Variants in MYT1L observed in about 807,000 individuals in gnomAD.
The protein encoded by MYT1L is myelin transcription factor 1-like protein.
MYT1L carries 12 observed loss-of-function variants against 126.7 expected under a neutral mutation model. The observed-to-expected ratio is 0.09, with a 90% CI of 0.06 to 0.15. The LOEUF is 0.15. Among genes scored for constraint, MYT1L ranks in the 10% least tolerant of loss-of-function variants. The probability of loss-of-function intolerance (pLI) is 1.00; values close to 1 mark genes in which losing one functional copy is unlikely to be tolerated. For synonymous variants in MYT1L, 541 were observed against 604.2 expected (o/e 0.90, Z 1.53); for missense variants, 979 against 1,585.2 (o/e 0.62, Z 6.49).
chr2:2,205,255 C>T (rs185604522), intron 2 of MYT1L, among the ~76,000 whole-genome samples: 47 of 151,524 alleles, frequency 3.1e-4, no homozygotes, highest in South Asian at 1.3e-3. Context: ...TACCCTAAAA[C>T]GTAAAGTATA....
intron 5 of MYT1L, among the ~76,000 whole-genome samples, chr2:1,995,985 G>C (rs1272547356): frequency 2.6e-5 from 4 of 152,218 alleles, no homozygotes; most frequent in African/African-American, 7.2e-5. Context: ...ATATGGAAGA[G>C]GAGAGGGGGA....
chr2:1,925,900 T>G (rs971150690), intron 9 of MYT1L, among the ~76,000 whole-genome samples: 4 of 152,148 alleles, frequency 2.6e-5, no homozygotes, highest in African/African-American at 4.8e-5. Flanking sequence ...TTGTCAGATC[T>G]CCTACAAGAA....
At chr2:2,307,831 C>A (rs925502141) in intron 1 of MYT1L, among the ~76,000 whole-genome samples, 6 of 139,510 alleles carry the variant, frequency 4.3e-5, no homozygotes, top group African/African-American at 1.6e-4. Context: ...TATACTCCAC[C>A]TATACTTCAG....
intron 19 of MYT1L, among the ~76,000 whole-genome samples, chr2:1,850,383 G>A (rs73913446): frequency 0.12 from 18,019 of 151,928 alleles, 2,109 homozygotes; most frequent in African/African-American, 0.3. Context: ...TTACAACTTC[G>A]TTTATTTGAT....
At chr2:2,259,806 C>T (rs1387321955) in intron 2 of MYT1L, among the ~76,000 whole-genome samples, 1 of 152,160 alleles carries the variant, frequency 6.6e-6, no homozygotes, top group Non-Finnish European at 1.5e-5. Context: ...ATGTGTGTCG[C>T]TGGCCAGGTG....
At chr2:2,178,641 G>C (rs1294660157) in intron 2 of MYT1L, among the ~76,000 whole-genome samples, 1 of 152,168 alleles carries the variant, frequency 6.6e-6, no homozygotes, top group Non-Finnish European at 1.5e-5. Context: ...CTCATGGATA[G>C]TGAGGACTTA....
chr2:2,183,452 G>C (rs2091760267), intron 2 of MYT1L, among the ~76,000 whole-genome samples: 1 of 152,128 alleles, frequency 6.6e-6, no homozygotes, highest in Non-Finnish European at 1.5e-5. Context: ...CCTAAAGCTT[G>C]CTTTGTTTCC....
chr2:2,234,837 T>C (rs899115891), intron 2 of MYT1L, among the ~76,000 whole-genome samples: 1 of 152,218 alleles, frequency 6.6e-6, no homozygotes, highest in African/African-American at 2.4e-5. Context: ...CAGGCTCTGA[T>C]TGCACTGTGT....
At chr2:2,305,802 A>G (rs2149560059) in intron 1 of MYT1L, 1 of 152,136 alleles carries the variant, frequency 6.6e-6, no homozygotes, top group South Asian at 2.1e-4. Flanking sequence ...AAACAACCAG[A>G]TCTCATGAGA....
At chr2:2,054,145 G>C (rs115731441) in intron 3 of MYT1L, 22 bp from the exon 4 acceptor site, 188 of 152,772 alleles carry the variant, frequency 1.2e-3, no homozygotes, top group African/African-American at 4.0e-3. Context: ...CAAAAAGGCA[G>C]AATAATGAGG....
intron 23 of MYT1L, among the ~76,000 whole-genome samples, chr2:1,795,957 A>G (rs1207082174): frequency 6.6e-6 from 1 of 152,218 alleles, no homozygotes; most frequent in East Asian, 1.9e-4. Context: ...GGAGTAGAGA[A>G]AGGTCAAATC....
chr2:1,937,869 C>A (rs962429536), intron 9 of MYT1L, among the ~76,000 whole-genome samples: 6 of 152,240 alleles, frequency 3.9e-5, no homozygotes, highest in Non-Finnish European at 8.8e-5. Context: ...CAGGACACCA[C>A]CGCACACCTT....
chr2:2,068,680 GAA>G (rs1050225649), intron 3 of MYT1L, among the ~76,000 whole-genome samples: 1 of 142,394 alleles, frequency 7.0e-6, no homozygotes, highest in Non-Finnish European at 1.5e-5. Flanking sequence ...AAAATAATCT[GAA>G]GATAAAAATT....
At chr2:1,792,084 T>C (rs2032188939) in intron 24 of MYT1L, 77 bp from the exon 25 acceptor site, 2 of 1,290,944 alleles carry the variant, frequency 1.5e-6, no homozygotes, top group African/African-American at 1.5e-5. Context: ...TAAAATAGTA[T>C]CATAGCATAG....
At chr2:1,879,836 T>A (rs574568375) in intron 18 of MYT1L, among the ~76,000 whole-genome samples, 6 of 152,196 alleles carry the variant, frequency 3.9e-5, no homozygotes, top group Non-Finnish European at 5.9e-5. Context: ...TGCATTATTT[T>A]ACATTTGATT....
intron 9 of MYT1L, among the ~76,000 whole-genome samples, chr2:1,938,271 G>A (rs899865152): frequency 1.3e-5 from 2 of 152,050 alleles, no homozygotes; most frequent in Admixed American, 1.3e-4. Flanking sequence ...ACCTTGCTAG[G>A]TATTATATAT....
chr2:1,942,842 A>G (rs982410243), intron 9 of MYT1L, 140 bp downstream of exon 9: 10 of 1,101,330 alleles, frequency 9.1e-6, no homozygotes, highest in African/African-American at 7.9e-5. Flanking sequence ...TTCAGTTCAT[A>G]TAAGAGGTTA....
At chr2:2,108,333 G>A (rs938210919) in intron 3 of MYT1L, among the ~76,000 whole-genome samples, 5 of 152,320 alleles carry the variant, frequency 3.3e-5, no homozygotes, top group South Asian at 2.1e-4. Flanking sequence ...AATGGACTCA[G>A]CAGCCAGGCT....
At position 1,978,326 on chromosome 2, in the gene MYT1L, C is replaced by A. The variant is rs553684218; in HGVS notation, c.152+839G>T. Among the ~76,000 whole-genome samples the A allele has an allele frequency of 2.1e-3, 315 of 152,280 alleles. 1 individual carries two copies. Among genetic ancestry groups the A allele is most frequent in the African/African-American group, 7.4e-3 (308 of 41,554 alleles). On this transcript the variant is annotated intron_variant, in intron 8 of 24. Transcript: ENST00000647738. ...TAGGCTGGAATGACCTTGGTCTTTG[C>A]AATCTAATTTGTAAAAGTAAAACAT... is the stretch of plus-strand genomic sequence containing the variant.
Sources: allele counts gnomAD v4.1 joint callset (sites outside exome capture counted in the v4.1 genomes callset), GRCh38; gene constraint gnomAD v4.1.1; transcripts MANE v1.5; gene names NCBI Gene and HGNC (gene_info 2026-07-23, HGNC 2026-07-21).